NR3C2: variants seen among roughly 807,000 people sequenced by gnomAD.
The protein encoded by NR3C2 is nuclear receptor subfamily 3 group C member 2, also known as mineralocorticoid receptor.
A neutral mutation model predicts 86.4 loss-of-function variants in NR3C2; 15 were observed. That is an observed-to-expected ratio of 0.17 (90% CI 0.12 to 0.27). NR3C2 has a LOEUF of 0.27. Among genes scored for constraint, NR3C2 ranks in the 10% least tolerant of loss-of-function variants. NR3C2 has a pLI of 1.00. For missense variants in NR3C2, 960 were observed against 1,195.6 expected (o/e 0.80, Z 2.91); for synonymous variants, 458 against 450.5 (o/e 1.02, Z -0.21).
chr4:148,365,053 G>A (rs1327000406), intron 2 of NR3C2, among the ~76,000 whole-genome samples: 1 of 152,198 alleles, frequency 6.6e-6, no homozygotes, highest in Non-Finnish European at 1.5e-5. Context: ...ATCTGTGGTT[G>A]TTTGAAATCA....
chr4:148,169,273 T>A (rs1642800777), intron 4 of NR3C2, among the ~76,000 whole-genome samples: 1 of 152,184 alleles, frequency 6.6e-6, no homozygotes, highest in Non-Finnish European at 1.5e-5. Flanking sequence ...TTATCAGCTG[T>A]TATAGTCCAC....
chr4:148,421,565 A>G (rs1257285905), intron 2 of NR3C2, among the ~76,000 whole-genome samples: 1 of 152,202 alleles, frequency 6.6e-6, no homozygotes, highest in African/African-American at 2.4e-5. Flanking sequence ...CAACGCCTGG[A>G]AATAACTCAG....
At chr4:148,316,960 T>C (rs1743219735) in intron 2 of NR3C2, among the ~76,000 whole-genome samples, 1 of 151,932 alleles carries the variant, frequency 6.6e-6, no homozygotes, top group African/African-American at 2.4e-5. Flanking sequence ...CACCACCATT[T>C]CCAGCTAATT....
chr4:148,093,773 T>C (rs983280569), intron 8 of NR3C2, among the ~76,000 whole-genome samples: 1 of 152,124 alleles, frequency 6.6e-6, no homozygotes, highest in African/African-American at 2.4e-5. Context: ...TTGGCCTTTA[T>C]CTGAAACAAA....
intron 8 of NR3C2, among the ~76,000 whole-genome samples, chr4:148,107,705 A>G (rs768933055): frequency 4.6e-5 from 7 of 152,240 alleles, no homozygotes; most frequent in Non-Finnish European, 1.0e-4. Context: ...AGGGACATGG[A>G]TGAAGCTGGA....
rs148566948 is a variant in NR3C2, at chr4:148,278,538, C to T, written c.1758-18421G>A. Among the ~76,000 whole-genome samples, 165 of 152,268 alleles carry T rather than the reference C, an allele frequency of 1.1e-3. 1 individual carries two copies. The highest frequency in any genetic ancestry group is 3.8e-3 in the African/African-American group (157 of 41,554). The stretch of plus-strand genomic sequence containing the variant: ...AACTCAAGAAGACTAAATAGGAATG[C>T]ATGACCATAAACATAAATAAATACA... On this transcript the variant is annotated intron_variant, in intron 2 of 8. Coordinates refer to ENST00000358102, the MANE Select transcript of NR3C2 (RefSeq NM_000901.5).
intron 7 of NR3C2, among the ~76,000 whole-genome samples, chr4:148,117,851 C>T (rs1560930436): frequency 6.6e-6 from 1 of 152,206 alleles, no homozygotes; most frequent in Admixed American, 6.5e-5. Context: ...CCTTCTCCCA[C>T]ACCTCTGTTT....
intron 2 of NR3C2, among the ~76,000 whole-genome samples, chr4:148,417,532 T>C (rs576503439): frequency 5.9e-5 from 9 of 152,356 alleles, no homozygotes; most frequent in East Asian, 1.9e-4. Context: ...TTTATCTTCA[T>C]GCAGTTTTTA....
chr4:148,416,438 G>A (rs1270137185), intron 2 of NR3C2, among the ~76,000 whole-genome samples: 1 of 152,132 alleles, frequency 6.6e-6, no homozygotes, highest in African/African-American at 2.4e-5. Flanking sequence ...CCATTTTACA[G>A]ATGAGAACAC....
At chr4:148,177,785 T>C (rs4835493) in intron 4 of NR3C2, among the ~76,000 whole-genome samples, 118,878 of 152,064 alleles carry the variant, frequency 0.78, 47,092 homozygotes, top group African/African-American at 0.93. Flanking sequence ...GTCCTCCCTT[T>C]CCTAATATCT....
At chr4:148,277,917 G>T (rs190736699) in intron 2 of NR3C2, among the ~76,000 whole-genome samples, 2 of 152,274 alleles carry the variant, frequency 1.3e-5, no homozygotes, top group East Asian at 3.9e-4. Context: ...GGAAAAGAAG[G>T]CCCAAAATGT....
At chr4:148,439,774 C>T (rs1750248878) in intron 1 of NR3C2, among the ~76,000 whole-genome samples, 1 of 152,346 alleles carries the variant, frequency 6.6e-6, no homozygotes, top group South Asian at 2.1e-4. Context: ...TAAGATTCTG[C>T]ACTTTTCGGC....
intron 4 of NR3C2, among the ~76,000 whole-genome samples, chr4:148,190,295 C>G (rs976420133): frequency 2.0e-5 from 3 of 152,090 alleles, no homozygotes; most frequent in Admixed American, 6.5e-5. Context: ...GTTTTTGACC[C>G]AATGCTCATT....
chr4:148,213,044 CAA>C (rs1245117672), intron 3 of NR3C2, among the ~76,000 whole-genome samples: 7 of 151,420 alleles, frequency 4.6e-5, no homozygotes, highest in African/African-American at 7.3e-5. Context: ...ATAGTGATCA[CAA>C]AAGTTTTGTG....
At chr4:148,422,690 T>C (rs1327956963) in intron 2 of NR3C2, among the ~76,000 whole-genome samples, 1 of 152,156 alleles carries the variant, frequency 6.6e-6, no homozygotes, top group Non-Finnish European at 1.5e-5. Context: ...TATGTCACTA[T>C]TTCTAATTCA....
chr4:148,247,574 A>T (rs1422725902), intron 3 of NR3C2, among the ~76,000 whole-genome samples: 1 of 151,714 alleles, frequency 6.6e-6, no homozygotes, highest in Non-Finnish European at 1.5e-5. Context: ...TAGATGATTT[A>T]AAAAATAGAA....
At chr4:148,294,864 TG>T (rs1185827549) in intron 2 of NR3C2, among the ~76,000 whole-genome samples, 1 of 151,978 alleles carries the variant, frequency 6.6e-6, no homozygotes, top group African/African-American at 2.4e-5. Flanking sequence ...GGCACATGCT[TG>T]TTGTCCCAGC....
intron 8 of NR3C2, among the ~76,000 whole-genome samples, chr4:148,089,044 C>G (rs1446872465): frequency 6.6e-6 from 1 of 152,144 alleles, no homozygotes; most frequent in Non-Finnish European, 1.5e-5. Context: ...GTTTAATAGT[C>G]TGGTGAACTT....
intron 6 of NR3C2, among the ~76,000 whole-genome samples, chr4:148,137,593 C>T (rs530494604): frequency 2.0e-4 from 31 of 152,272 alleles, no homozygotes; most frequent in Non-Finnish European, 1.9e-4. Flanking sequence ...GAAACAGATC[C>T]AGACCTTGAA....
Sources: allele counts gnomAD v4.1 joint callset (sites outside exome capture counted in the v4.1 genomes callset), GRCh38; gene constraint gnomAD v4.1.1; transcripts MANE v1.5; gene names NCBI Gene and HGNC (gene_info 2026-07-23, HGNC 2026-07-21).